Variants in F13A1 observed in about 807,000 individuals in gnomAD.
The protein encoded by F13A1 is FSF, A subunit.
In F13A1, 47 loss-of-function variants were observed where a neutral mutation model predicts 80.1. The observed-to-expected ratio is 0.59, with a 90% confidence interval of 0.46 to 0.75. F13A1 has a LOEUF of 0.75. F13A1 is among the 30% of genes least tolerant of loss of function. The probability of loss-of-function intolerance (pLI) is 0.00; values close to 1 mark genes in which losing one functional copy is unlikely to be tolerated. For missense variants in F13A1, 817 were observed against 930.4 expected (o/e 0.88, Z 1.59); for synonymous variants, 349 against 344.9 (o/e 1.01, Z -0.13).
At chr6:6,297,227 GC>G (rs945104738) in intron 3 of F13A1, among the ~76,000 whole-genome samples, 2 of 151,814 alleles carry the variant, frequency 1.3e-5, no homozygotes, top group African/African-American at 4.9e-5. Flanking sequence ...TTGTGTCTCT[GC>G]CCGGCTTTGG....
In F13A1 at chr6:6,266,626, T is replaced by C. The variant is rs779361778; in HGVS notation, c.503A>G (p.Tyr168Cys). 5.0e-6 allele frequency: 8 copies of C among 1,614,210 alleles called. No homozygotes were observed. Among genetic ancestry groups the C allele is most frequent in the Middle Eastern group, 1.6e-4 (1 of 6,062 alleles). Reference protein sequence around the residue: ...FRMYVAVWTPYGVLRTSRNPE... With the variant: ...FRMYVAVWTPCGVLRTSRNPE... ...GTTTCGACTGGTTCGAAGTACGCCA[T>C]AGGGAGTCCAGACAGCAACATACAT... Residue 168 changes from tyrosine (Y) to cysteine (C), a missense_variant, in exon 4 of 15, where the codon TAT becomes TGT. Tyr to Cys is a radical substitution (Grantham distance 194). Transcript: ENST00000264870.
chr6:6,243,349 TA>T lies in F13A1; in HGVS notation c.798+4962del, dbSNP rs929688558. ...CCACCGTCACCACCACCATCATCACTAACTCTATCACCACCACCACCAAACA... is the reference window on the plus strand; with the variant it reads ...CCACCGTCACCACCACCATCATCACTACTCTATCACCACCACCACCAAACA... On this transcript the variant is annotated intron_variant, in intron 6 of 14. Transcript: ENST00000264870. The surrounding 1 kb of genome is among the most constrained non-coding windows in gnomAD (Gnocchi z 4.2). Among the ~76,000 whole-genome samples the T allele has an allele frequency of 3.2e-4, 49 of 151,508 alleles. No homozygotes were observed. The highest frequency in any genetic ancestry group is 1.2e-3 in the African/African-American group (49 of 41,318).
chr6:6,197,280 G>T lies in F13A1; in HGVS notation c.1159C>A (p.Pro387Thr). The T allele has an allele frequency of 6.2e-7, 1 of 1,614,218 alleles. No individual in the cohort carries two copies. Among genetic ancestry groups the T allele is most frequent in the Non-Finnish European group, 8.5e-7 (1 of 1,180,032 alleles). ...GCTTGCCAGCCTCCAAATCCAACAGGAAGGTCAGGCCTTGTCATCCATGCT... is the reference window on the plus strand; with the variant it reads ...GCTTGCCAGCCTCCAAATCCAACAGTAAGGTCAGGCCTTGTCATCCATGCT... ...NEAWMTRPDL[P>T]VGFGGWQAVD... is the part of the protein sequence containing the mutation. The change falls in exon 9 of 15, where the codon CCT becomes ACT. Residue 387 changes from proline (P) to threonine (T), a missense_variant. By Grantham distance (38) the Pro-to-Thr change is conservative (BLOSUM62 -1). Coordinates refer to ENST00000264870, the MANE Select transcript of F13A1 (RefSeq NM_000129.4).
chr6:6,305,583 C>CTTTAG, intron 2 of F13A1, 44 bp from the exon 3 acceptor site: 1 of 1,594,436 alleles, frequency 6.3e-7, no homozygotes. Context: ...AATCAACTAA[C>CTTTAG]TTTAGTTTAA....
At chr6:6,224,893 A>G in intron 6 of F13A1, 33 bp from the exon 7 acceptor site, 1 of 1,613,230 alleles carries the variant, frequency 6.2e-7, no homozygotes, top group Non-Finnish European at 8.5e-7. Context: ...AGAAGGAAGA[A>G]AGTTCATTTA....
At chr6:6,299,447 T>A (rs1758385979) in intron 3 of F13A1, among the ~76,000 whole-genome samples, 1 of 130,954 alleles carries the variant, frequency 7.6e-6, no homozygotes, top group Non-Finnish European at 1.5e-5. Flanking sequence ...TTTGCTCATT[T>A]CTTTTTATTC....
At position 6,294,524 on chromosome 6, in the gene F13A1, T is replaced by TCACA. The variant is rs142401119; in HGVS notation, c.319+10823_319+10826dup. ...CTTTATATGTATATACACACAACAC[T>TCACA]CACACACACACACACACATATATAT... On this transcript the variant is annotated intron_variant, in intron 3 of 14. Transcript: ENST00000264870. Among the ~76,000 whole-genome samples, 1,389 of 148,654 alleles carry TCACA rather than the reference T, an allele frequency of 9.3e-3. 8 individuals carry two copies. Among genetic ancestry groups the TCACA allele is most frequent in the Middle Eastern group, 0.024 (7 of 294 alleles).
chr6:6,204,491 A>G (rs1761452605), intron 8 of F13A1, among the ~76,000 whole-genome samples: 1 of 152,174 alleles, frequency 6.6e-6, no homozygotes, highest in Non-Finnish European at 1.5e-5. Flanking sequence ...GTGTAGCCCT[A>G]CCTCTCTGGT....
chr6:6,304,193 T>G (rs1486873455), intron 3 of F13A1, among the ~76,000 whole-genome samples: 3 of 152,018 alleles, frequency 2.0e-5, no homozygotes, highest in Non-Finnish European at 2.9e-5. Context: ...GTTGTTTTGA[T>G]GTAAGCAATC....
intron 3 of F13A1, among the ~76,000 whole-genome samples, chr6:6,300,524 C>T (rs866550196): frequency 2.0e-5 from 3 of 152,096 alleles, no homozygotes; most frequent in Admixed American, 6.5e-5. Flanking sequence ...GTCCGTCACC[C>T]CTTTCTTTGA....
At chr6:6,158,733 T>G (rs545249452) in intron 13 of F13A1, among the ~76,000 whole-genome samples, 9 of 151,890 alleles carry the variant, frequency 5.9e-5, no homozygotes, top group African/African-American at 1.9e-4. Context: ...ATGGTCAGGG[T>G]TCAGCAATAA....
At chr6:6,200,764 A>G (rs1279509143) in intron 8 of F13A1, among the ~76,000 whole-genome samples, 2 of 152,148 alleles carry the variant, frequency 1.3e-5, no homozygotes, top group Non-Finnish European at 2.9e-5. Context: ...GCTGAGAGCA[A>G]CACCCTGGAC....
At chr6:6,159,956 C>T (rs900583161) in intron 13 of F13A1, among the ~76,000 whole-genome samples, 6 of 152,052 alleles carry the variant, frequency 3.9e-5, no homozygotes, top group African/African-American at 1.4e-4. Context: ...GCAACCTTTC[C>T]CCATTTCAGA....
rs569295783 is a variant in F13A1, at chr6:6,193,578, C to T, written c.1305+2219G>A. On this transcript the variant is annotated intron_variant, in intron 10 of 14. Transcript: ENST00000264870. The stretch of plus-strand genomic sequence containing the variant: ...ATGCCAAAGCAACAAATTGTACCCT[C>T]TGTCAGACACGCCTCTGCAGTGGGT... Among the ~76,000 whole-genome samples the T allele has an allele frequency of 2.0e-4, 30 of 152,340 alleles. 1 individual carries two copies. The South Asian group carries it at 3.7e-3, about 19-fold the overall frequency.
At chr6:6,205,370 T>C (rs998135547) in intron 8 of F13A1, among the ~76,000 whole-genome samples, 6 of 152,182 alleles carry the variant, frequency 3.9e-5, no homozygotes, top group African/African-American at 1.4e-4. Flanking sequence ...ATGAACCAAA[T>C]GGATGTTGCA....
At chr6:6,262,720 A>G (rs941308811) in intron 4 of F13A1, among the ~76,000 whole-genome samples, 9 of 152,042 alleles carry the variant, frequency 5.9e-5, no homozygotes, top group African/African-American at 2.2e-4. Context: ...AAAAAAAAAA[A>G]AAAAGGAGTC....
chr6:6,181,968 A>G lies in F13A1; in HGVS notation c.1459+20T>C. 6.2e-7 allele frequency: 1 copy of G among 1,613,880 alleles called. No homozygotes were observed. The highest frequency in any genetic ancestry group is 8.5e-7 in the Non-Finnish European group (1 of 1,179,768). ...AATGGACTTGGGCAAATAAATCTTC[A>G]TTCAGTGGTAGTAAATTACCTTCTT... On this transcript the variant is annotated intron_variant, in intron 11 of 14. Coordinates refer to ENST00000264870, the MANE Select transcript of F13A1 (RefSeq NM_000129.4).
chr6:6,218,009 A>G (rs1348858896), intron 8 of F13A1, among the ~76,000 whole-genome samples: 1 of 147,888 alleles, frequency 6.8e-6, no homozygotes, highest in Non-Finnish European at 1.5e-5. Flanking sequence ...ACAAAAATAA[A>G]ATAGATCAGA....
intron 11 of F13A1, among the ~76,000 whole-genome samples, chr6:6,179,027 C>T (rs777143297): frequency 1.3e-5 from 2 of 152,094 alleles, no homozygotes; most frequent in African/African-American, 2.4e-5. Context: ...CGCTCCAGGA[C>T]GGCAAGGAGG....
Sources: allele counts gnomAD v4.1 joint callset (sites outside exome capture counted in the v4.1 genomes callset), GRCh38; gene constraint gnomAD v4.1.1; non-coding constraint Gnocchi (gnomAD v3.1); transcripts MANE v1.5; gene names NCBI Gene and HGNC (gene_info 2026-07-23, HGNC 2026-07-21).